Variants in PARL observed in about 807,000 individuals in gnomAD.
PARL encodes the protein presenilin-associated rhomboid-like protein, mitochondrial.
PARL carries 44 observed loss-of-function variants against 51.6 expected under a neutral mutation model. The ratio of observed to expected loss-of-function variants is 0.85; its 90% confidence interval spans 0.67 to 1.10. The LOEUF (loss-of-function observed/expected upper bound fraction) is 1.10, where lower values mean the gene tolerates loss of function less well. Ranked by LOEUF, PARL falls within the 50% of genes least tolerant of loss-of-function variation. The probability of loss-of-function intolerance (pLI) is 0.00; values close to 1 mark genes in which losing one functional copy is unlikely to be tolerated. For synonymous variants in PARL, 172 were observed against 164.0 expected (o/e 1.05, Z -0.37); for missense variants, 441 against 469.5 (o/e 0.94, Z 0.56).
At chr3:183,882,271 A>ATATATATT (rs1560442513) in intron 1 of PARL, among the ~76,000 whole-genome samples, 16 of 101,768 alleles carry the variant, frequency 1.6e-4, no homozygotes, top group African/African-American at 5.3e-4. Context: ...ATATATATTT[A>ATATATATT]TATATATATA....
chr3:183,876,610 T>TAAAAAAAAAAAAAAAAAA (rs576376716), intron 1 of PARL, among the ~76,000 whole-genome samples: 58 of 91,790 alleles, frequency 6.3e-4, no homozygotes, highest in South Asian at 1.2e-3. Flanking sequence ...ATACATTTTG[T>TAAAAAAAAAAAAAAAAAA]AAAAAAAAAA....
At chr3:183,878,888 C>T (rs994647500) in intron 1 of PARL, among the ~76,000 whole-genome samples, 1 of 152,208 alleles carries the variant, frequency 6.6e-6, no homozygotes, top group Admixed American at 6.5e-5. Context: ...AAAGAATATG[C>T]GACAAAGACC....
chr3:183,829,532 A>G lies in PARL; in HGVS notation c.*66T>C. ...ACGGGAGCATAGCCATGGTCACTCT[A>G]GCCGATGTCTCCTGGGGCTCTCAGG... On this transcript the variant is annotated 3_prime_UTR_variant, in exon 10 of 10. Transcript: ENST00000317096. The G allele has an allele frequency of 6.2e-7, 1 of 1,613,912 alleles. No homozygotes were observed. Among genetic ancestry groups the G allele is most frequent in the Middle Eastern group, 1.7e-4 (1 of 5,844 alleles).
At chr3:183,846,371 T>C (rs991097267) in intron 4 of PARL, 7 of 187,854 alleles carry the variant, frequency 3.7e-5, no homozygotes, top group Non-Finnish European at 5.9e-5. Flanking sequence ...TGCATGCCTG[T>C]AGTCCCGGTT....
chr3:183,838,494 T>C (rs1728918985), intron 7 of PARL, among the ~76,000 whole-genome samples: 1 of 152,228 alleles, frequency 6.6e-6, no homozygotes, highest in East Asian at 1.9e-4. Context: ...CATTAAGATA[T>C]TTGGGGATAA....
chr3:183,871,859 A>G (rs1247528301), intron 1 of PARL, among the ~76,000 whole-genome samples: 1 of 152,226 alleles, frequency 6.6e-6, no homozygotes, highest in African/African-American at 2.4e-5. Flanking sequence ...ACATTTTACT[A>G]TATGTAAACT....
chr3:183,833,071 C>T (rs927660329), intron 9 of PARL, among the ~76,000 whole-genome samples: 2 of 152,184 alleles, frequency 1.3e-5, no homozygotes, highest in South Asian at 2.1e-4. Context: ...GCAATGGCTC[C>T]GCCAACTCAG....
intron 4 of PARL, among the ~76,000 whole-genome samples, chr3:183,848,209 A>T (rs1730174984): frequency 6.6e-6 from 1 of 152,218 alleles, no homozygotes; most frequent in Non-Finnish European, 1.5e-5. Context: ...CTGAATCTCA[A>T]AACACCTAGC....
At chr3:183,844,397 C>T (rs902757299) in intron 4 of PARL, 71 bp from the exon 5 acceptor site, 1 of 948,844 alleles carries the variant, frequency 1.1e-6, no homozygotes, top group African/African-American at 1.6e-5. Flanking sequence ...ACATTACCCC[C>T]TTGTAAGATT....
chr3:183,863,735 G>T (rs917766919), intron 3 of PARL, among the ~76,000 whole-genome samples: 1 of 151,990 alleles, frequency 6.6e-6, no homozygotes, highest in African/African-American at 2.4e-5. Context: ...CGCCCCGGCC[G>T]ATTCCATTTC....
At position 183,867,951 on chromosome 3, in the gene PARL, A is replaced by G. The variant is rs143490950; in HGVS notation, c.235T>C (p.Leu79=). 198 of 1,613,704 alleles carry G rather than the reference A, an allele frequency of 1.2e-4. No homozygotes were observed. In the Middle Eastern group the frequency reaches 2.1e-3, roughly 17 times the overall value. ...TSGEAYKRSA[L]IPPVEETVFY... is the part of the protein sequence containing the mutation. ...ACTGTTTCTTCCACAGGAGGAATCA[A>G]AGCACTTCTCTTGTATGCTTCACCA... The change falls in exon 2 of 10, where the codon TTG becomes CTG. Residue 79 remains leucine, a synonymous_variant. Transcript: ENST00000317096.
intron 9 of PARL, among the ~76,000 whole-genome samples, chr3:183,833,081 G>A (rs1270255629): frequency 6.6e-6 from 1 of 152,226 alleles, no homozygotes; most frequent in Non-Finnish European, 1.5e-5. Context: ...CGCCAACTCA[G>A]CATGTCTAAA....
intron 2 of PARL, among the ~76,000 whole-genome samples, chr3:183,867,080 A>C (rs1732580060): frequency 6.6e-6 from 1 of 151,984 alleles, no homozygotes; most frequent in South Asian, 2.1e-4. Flanking sequence ...GGCCCGGCTA[A>C]TTTTTGTATT....
intron 4 of PARL, among the ~76,000 whole-genome samples, chr3:183,857,508 G>T (rs1731307191): frequency 6.6e-6 from 1 of 152,098 alleles, no homozygotes; most frequent in African/African-American, 2.4e-5. Flanking sequence ...TGTACTGCAT[G>T]TTTCTATTTT....
chr3:183,842,916 C>A (rs1317953410), intron 5 of PARL, among the ~76,000 whole-genome samples: 1 of 144,624 alleles, frequency 6.9e-6, no homozygotes, highest in African/African-American at 2.6e-5. Context: ...TCGCCCCAGG[C>A]TGGAGTGCAG....
intron 6 of PARL, among the ~76,000 whole-genome samples, 191 bp downstream of exon 6, chr3:183,842,107 T>G (rs1383678608): frequency 6.6e-6 from 1 of 152,108 alleles, no homozygotes; most frequent in Non-Finnish European, 1.5e-5. Context: ...TAAGAAGAAA[T>G]CAGCAAAATG....
chr3:183,866,435 T>C (rs918032171), intron 3 of PARL, among the ~76,000 whole-genome samples, 190 bp downstream of exon 3: 9 of 152,192 alleles, frequency 5.9e-5, no homozygotes, highest in African/African-American at 2.2e-4. Flanking sequence ...TCAAAATAGC[T>C]AGTGGAGAAC....
chr3:183,853,514 T>C (rs1332828733), intron 4 of PARL, among the ~76,000 whole-genome samples: 2 of 152,110 alleles, frequency 1.3e-5, no homozygotes, highest in Non-Finnish European at 2.9e-5. Context: ...ATCGCTCCAC[T>C]GCACTCTGGT....
At chr3:183,851,783 G>A (rs1244815849) in intron 4 of PARL, among the ~76,000 whole-genome samples, 1 of 152,132 alleles carries the variant, frequency 6.6e-6, no homozygotes, top group Non-Finnish European at 1.5e-5. Context: ...ATAAGCACAT[G>A]AAAAGATGCT....
Sources: allele counts gnomAD v4.1 joint callset (sites outside exome capture counted in the v4.1 genomes callset), GRCh38; gene constraint gnomAD v4.1.1; transcripts MANE v1.5; gene names NCBI Gene and HGNC (gene_info 2026-07-23, HGNC 2026-07-21).